Variants in BICD1 observed in about 807,000 individuals in gnomAD.
BICD1 encodes BICD cargo adaptor 1.
BICD1 carries 35 observed loss-of-function variants against 92.5 expected under a neutral mutation model. The ratio of observed to expected loss-of-function variants is 0.38; its 90% CI spans 0.29 to 0.50. The LOEUF is 0.50. Ranked by LOEUF, BICD1 falls within the 20% of genes least tolerant of loss-of-function variation. BICD1 has a pLI of 0.93. For synonymous variants in BICD1, 429 were observed against 465.1 expected, an observed-to-expected ratio of 0.92 and a Z score of 1.00; for missense variants, 950 against 1,189.8, an observed-to-expected ratio of 0.80 and a Z score of 2.97.
intron 3 of BICD1, among the ~76,000 whole-genome samples, chr12:32,305,064 G>A (rs1164734617): frequency 6.6e-6 from 1 of 152,024 alleles, no homozygotes; most frequent in Non-Finnish European, 1.5e-5. Flanking sequence ...AGCAATGTAG[G>A]TATTTTTTGT....
chr12:32,319,731 C>T (rs537696303), intron 4 of BICD1, among the ~76,000 whole-genome samples: 59 of 152,212 alleles, frequency 3.9e-4, no homozygotes, highest in African/African-American at 1.3e-3. Context: ...GTGCCCACTA[C>T]CACATCAGGC....
In BICD1 at chr12:32,313,689, A is replaced by G. The variant is rs1948433009; in HGVS notation, c.1005+7567A>G. Among the ~76,000 whole-genome samples the G allele has an allele frequency of 6.6e-6, 1 of 152,230 alleles. No homozygotes were observed. The highest frequency in any genetic ancestry group is 2.1e-4 in the South Asian group (1 of 4,828). On this transcript the variant is annotated intron_variant, in intron 4 of 9. Coordinates refer to ENST00000652176, the MANE Select transcript of BICD1 (RefSeq NM_001714.4). The surrounding 1 kb of genome is among the most constrained non-coding windows in gnomAD (Gnocchi z 4.2). The stretch of plus-strand genomic sequence containing the variant: ...TACAGATTTTATAGTTAGAGATTAC[A>G]AACTAGCTGGGCGCAGTGGCTCATA...
rs181295348 is a variant in BICD1, at chr12:32,296,222, G to A, written c.579+2076G>A. Among the ~76,000 whole-genome samples the A allele has an allele frequency of 6.4e-3, 952 of 149,346 alleles. 7 individuals are homozygous for A. Among genetic ancestry groups the A allele is most frequent in the Non-Finnish European group, 8.9e-3 (600 of 67,452 alleles). The stretch of plus-strand genomic sequence containing the variant: ...AAATACATTTGTAAAGATGCTTCTC[G>A]AATACTTTTTAAAATAAGAAGGGGT... On this transcript the variant is annotated intron_variant, in intron 3 of 9. Coordinates refer to ENST00000652176, the MANE Select transcript of BICD1 (RefSeq NM_001714.4).
chr12:32,192,212 A>C (rs1375367318), intron 1 of BICD1, among the ~76,000 whole-genome samples: 1 of 152,090 alleles, frequency 6.6e-6, no homozygotes, highest in Non-Finnish European at 1.5e-5. Context: ...TGGGCAGATC[A>C]CAAGGTCAAG....
intron 2 of BICD1, among the ~76,000 whole-genome samples, chr12:32,238,975 A>G (rs540583675): frequency 0.012 from 1,528 of 131,402 alleles, 34 homozygotes; most frequent in African/African-American, 0.042. Context: ...GGCTGGGCGC[A>G]GTGGCTCACG....
At chr12:32,187,152 A>G (rs1944440935) in intron 1 of BICD1, among the ~76,000 whole-genome samples, 1 of 152,156 alleles carries the variant, frequency 6.6e-6, no homozygotes, top group Admixed American at 6.5e-5. Flanking sequence ...ACCCATGTCA[A>G]TATAACTTAA....
chr12:32,377,265 C>G (rs530542705), intron 9 of BICD1, among the ~76,000 whole-genome samples: 1 of 152,192 alleles, frequency 6.6e-6, no homozygotes, highest in South Asian at 2.1e-4. Flanking sequence ...CTGTAAAATG[C>G]TGGGGGCAAG....
chr12:32,120,591 C>G (rs1942106426), intron 1 of BICD1, among the ~76,000 whole-genome samples: 3 of 152,086 alleles, frequency 2.0e-5, no homozygotes, highest in African/African-American at 7.2e-5. Context: ...TGTTGATAAG[C>G]CTCACTGATT....
At chr12:32,229,108 G>A (rs542570084) in intron 2 of BICD1, among the ~76,000 whole-genome samples, 3 of 152,146 alleles carry the variant, frequency 2.0e-5, no homozygotes, top group African/African-American at 4.8e-5. Context: ...AAAATTAGCC[G>A]GGCGTGGTGG....
At chr12:32,340,491 C>A in intron 8 of BICD1, 1 of 983,530 alleles carries the variant, frequency 1.0e-6, no homozygotes, top group Non-Finnish European at 1.2e-6. Context: ...TTTAGTAGCA[C>A]TATCTACTGG....
chr12:32,146,279 T>TACA (rs1320827211), intron 1 of BICD1, among the ~76,000 whole-genome samples: 1 of 152,234 alleles, frequency 6.6e-6, no homozygotes, highest in African/African-American at 2.4e-5. Context: ...ACATTCACTG[T>TACA]GGCTTCCAAA....
intron 1 of BICD1, among the ~76,000 whole-genome samples, chr12:32,153,777 A>G (rs1943357406): frequency 6.7e-6 from 1 of 148,858 alleles, no homozygotes; most frequent in South Asian, 2.1e-4. Context: ...GTACATATAT[A>G]TATATGTGTG....
rs2136354121 is a variant in BICD1, at chr12:32,380,511, T to A, written c.*2884T>A. ...TTAGCAAAGTAAACAGGTAGTTTTT[T>A]AAAAGTAAGCACAATTACAATATTG... On this transcript the variant is annotated 3_prime_UTR_variant, in exon 10 of 10. Coordinates refer to ENST00000652176, the MANE Select transcript of BICD1 (RefSeq NM_001714.4). The A allele has an allele frequency of 6.6e-6, 1 of 152,304 alleles. No homozygotes were observed. Among genetic ancestry groups the A allele is most frequent in the South Asian group, 2.1e-4 (1 of 4,828 alleles). 9.4% of individuals were successfully genotyped at this position (152,304 alleles called of 1,614,324 possible). A position where few individuals can be genotyped will look rare whatever the true frequency, so the allele number is the denominator to read the frequency against.
At chr12:32,228,027 C>A in intron 2 of BICD1, 2 of 244,996 alleles carry the variant, frequency 8.2e-6, no homozygotes, top group Non-Finnish European at 1.8e-5. Context: ...TTTCTTGGTC[C>A]CTTTGAAGGA....
intron 1 of BICD1, among the ~76,000 whole-genome samples, chr12:32,171,394 A>G (rs1943931695): frequency 6.6e-6 from 1 of 152,200 alleles, no homozygotes; most frequent in Non-Finnish European, 1.5e-5. Context: ...ATGGAATCAC[A>G]TTGTAAATTA....
intron 2 of BICD1, among the ~76,000 whole-genome samples, chr12:32,253,811 C>CCATAATCACTGCCATATCCCACCTGT (rs1946629575): frequency 6.7e-6 from 1 of 150,094 alleles, no homozygotes; most frequent in African/African-American, 2.5e-5. Flanking sequence ...ATCCCACCTG[C>CCATAATCACTGCCATATCCCACCTGT]CATAATCACT....
At chr12:32,229,154 A>C (rs1388474185) in intron 2 of BICD1, among the ~76,000 whole-genome samples, 2 of 152,114 alleles carry the variant, frequency 1.3e-5, no homozygotes, top group African/African-American at 4.8e-5. Context: ...AGGAGGCTGA[A>C]GCAAGAGAAT....
At chr12:32,239,164 G>A (rs1432291256) in intron 2 of BICD1, among the ~76,000 whole-genome samples, 3 of 148,030 alleles carry the variant, frequency 2.0e-5, no homozygotes, top group South Asian at 2.2e-4. Context: ...GGAGAATGGC[G>A]TGAACCTGGC....
At chr12:32,116,514 A>C (rs201470261) in intron 1 of BICD1, among the ~76,000 whole-genome samples, 6,726 of 117,208 alleles carry the variant, frequency 0.057, 290 homozygotes, top group East Asian at 0.12. Context: ...CTCTCTCTAT[A>C]TATATATATA....
Sources: allele counts gnomAD v4.1 joint callset (sites outside exome capture counted in the v4.1 genomes callset), GRCh38; gene constraint gnomAD v4.1.1; non-coding constraint Gnocchi (gnomAD v3.1); transcripts MANE v1.5; gene names NCBI Gene and HGNC (gene_info 2026-07-23, HGNC 2026-07-21).